Variants in BEGAIN observed in about 807,000 individuals in gnomAD.
BEGAIN encodes the protein brain-enriched guanylate kinase-associated protein.
BEGAIN carries 19 observed loss-of-function variants against 35.8 expected under a neutral mutation model. That is an observed-to-expected ratio of 0.53 (90% CI 0.37 to 0.78). The LOEUF (loss-of-function observed/expected upper bound fraction) is 0.78. BEGAIN is among the 30% of genes least tolerant of loss of function. The pLI, the probability that BEGAIN is intolerant of heterozygous loss-of-function variation, is 0.00. For synonymous variants in BEGAIN, 462 were observed against 388.6 expected (o/e 1.19, Z -2.22); for missense variants, 795 against 853.6 (o/e 0.93, Z 0.85).
rs1225156319 is a variant in BEGAIN at position 100,540,572 on chromosome 14, T to C, written c.416A>G (p.Tyr139Cys). 4 of 1,602,866 alleles carry C rather than the reference T, an allele frequency of 2.5e-6. No homozygotes were observed. Among genetic ancestry groups the C allele is most frequent in the East Asian group, 2.2e-5 (1 of 44,564 alleles). The change falls in exon 6 of 7, where the codon TAT (tyrosine) becomes TGT (cysteine). Residue 139 changes from tyrosine to cysteine, a missense_variant. Around this residue, in one of 3 missense-constraint regions of BEGAIN, gnomAD observed 73 missense variants for 143.2 expected, o/e 0.51. Coordinates refer to ENST00000554140, the MANE Select transcript of BEGAIN (RefSeq NM_001385089.1). ...IDKLSEDNEL[Y>C]RKDCNLAAQL... ...GGCCGCTAGATTGCAGTCCTTCCTA[T>C]AGAGCTCCTAAAAGACAAGAGAAGG...
chr14:100,583,887 C>T (rs184691961), intron 1 of BEGAIN, among the ~76,000 whole-genome samples: 30 of 152,012 alleles, frequency 2.0e-4, no homozygotes, highest in East Asian at 1.5e-3. Flanking sequence ...TTTATAGAGA[C>T]GGGGTTTCAC....
At chr14:100,583,451 T>C (rs1244834540) in intron 1 of BEGAIN, among the ~76,000 whole-genome samples, 6 of 152,120 alleles carry the variant, frequency 3.9e-5, no homozygotes, top group Non-Finnish European at 5.9e-5. Context: ...TCCATTCATC[T>C]ACCAATCTTG....
At chr14:100,559,871 G>C (rs1047070369) in intron 2 of BEGAIN, among the ~76,000 whole-genome samples, 1 of 152,200 alleles carries the variant, frequency 6.6e-6, no homozygotes, top group Non-Finnish European at 1.5e-5. Flanking sequence ...CTGCAGCTAC[G>C]GGGAGGGTTG....
Position 100,537,964 on chromosome 14 carries a change from GGC to G in BEGAIN, c.*3_*4del. ...CGAACCACGGCCAGGCCTGCACGCA[GGC>G]GCTCAGTTGAGCAAGGTTCCGTAGA... On this transcript the variant is annotated 3_prime_UTR_variant, in exon 7 of 7. Transcript: ENST00000554140. 1 of 1,603,590 alleles carries G rather than the reference GGC, an allele frequency of 6.2e-7. No individual in the cohort carries two copies. The highest frequency in any genetic ancestry group is 2.2e-5 in the East Asian group (1 of 44,506).
At chr14:100,571,064 T>C (rs1046746149) in intron 1 of BEGAIN, among the ~76,000 whole-genome samples, 1 of 151,636 alleles carries the variant, frequency 6.6e-6, no homozygotes, top group African/African-American at 2.4e-5. Context: ...GCACACTGGG[T>C]GCCCTCGGGG....
At chr14:100,546,351 GCCCCGC>G in intron 3 of BEGAIN, 144 bp downstream of exon 3, 1 of 125,416 alleles carries the variant, frequency 8.0e-6, no homozygotes, top group Middle Eastern at 3.0e-3. Context: ...CCCGGCCCTC[GCCCCGC>G]CCCGGCCCTC....
intron 2 of BEGAIN, among the ~76,000 whole-genome samples, chr14:100,551,588 T>A (rs546255571): frequency 5.9e-4 from 90 of 152,328 alleles, no homozygotes; most frequent in African/African-American, 2.0e-3. Flanking sequence ...TATACCTGGG[T>A]GGTGAAATGC....
At chr14:100,557,130 CG>C in intron 2 of BEGAIN, among the ~76,000 whole-genome samples, 1 of 150,182 alleles carries the variant, frequency 6.7e-6, no homozygotes, top group Non-Finnish European at 1.5e-5. Flanking sequence ...CGGGCCCTGC[CG>C]GCCTCTTCCA....
At chr14:100,570,677 G>T (rs1465024895) in intron 1 of BEGAIN, among the ~76,000 whole-genome samples, 1 of 152,216 alleles carries the variant, frequency 6.6e-6, no homozygotes, top group African/African-American at 2.4e-5. Flanking sequence ...CTTTATGGGT[G>T]GCTAGGGAGA....
At chr14:100,539,686 C>T (rs932904731) in intron 6 of BEGAIN, among the ~76,000 whole-genome samples, 1 of 151,558 alleles carries the variant, frequency 6.6e-6, no homozygotes, top group Non-Finnish European at 1.5e-5. Flanking sequence ...TTGTGCCCAG[C>T]GAGGGGTTGA....
In BEGAIN at chr14:100,566,963, C is replaced by T. The variant is rs1034672885; in HGVS notation, c.71+948G>A. ...GGTCAGCTGGCAGAGCCCAGGGCCC[C>T]TCTGCCCTAGACCTGGGCCCAGGCT... On this transcript the variant is annotated intron_variant, in intron 2 of 6. Transcript: ENST00000554140. Among the ~76,000 whole-genome samples, 31 of 152,302 alleles carry T rather than the reference C, an allele frequency of 2.0e-4. 1 individual carries two copies. In the South Asian group the frequency reaches 4.8e-3, roughly 23 times the overall value.
chr14:100,581,465 G>A (rs908101891), intron 1 of BEGAIN, among the ~76,000 whole-genome samples: 6 of 151,948 alleles, frequency 3.9e-5, no homozygotes, highest in African/African-American at 9.7e-5. Flanking sequence ...AGGGGCTTCC[G>A]GCTCCTGGCA....
At chr14:100,542,083 GC>G (rs1432410752) in intron 5 of BEGAIN, among the ~76,000 whole-genome samples, 1 of 152,156 alleles carries the variant, frequency 6.6e-6, no homozygotes, top group East Asian at 1.9e-4. Context: ...TAGGTAAGGG[GC>G]CTGGCCTTGT....
intron 2 of BEGAIN, among the ~76,000 whole-genome samples, chr14:100,556,399 G>A (rs2033728456): frequency 6.6e-6 from 1 of 152,220 alleles, no homozygotes; most frequent in African/African-American, 2.4e-5. Context: ...GTCCTGGGGA[G>A]CCCTCGGAGG....
chr14:100,570,267 C>A (rs1456912162), intron 1 of BEGAIN, among the ~76,000 whole-genome samples: 2 of 152,260 alleles, frequency 1.3e-5, no homozygotes, highest in African/African-American at 4.8e-5. Context: ...ATTCCCCCCA[C>A]CCCCAGAAGG....
intron 5 of BEGAIN, among the ~76,000 whole-genome samples, chr14:100,541,194 C>T (rs79065278): frequency 0.032 from 4,916 of 152,370 alleles, 249 homozygotes; most frequent in African/African-American, 0.11. Context: ...CAGTAGGACT[C>T]AAGGGGTGTG....
chr14:100,583,821 C>A (rs1215038393), intron 1 of BEGAIN, among the ~76,000 whole-genome samples: 2 of 151,278 alleles, frequency 1.3e-5, no homozygotes, highest in African/African-American at 4.9e-5. Context: ...CTCAGCCTCC[C>A]AAATGGCTGG....
Position 100,546,780 on chromosome 14 carries a change from GCACACACACACA to G in BEGAIN, c.72-130_72-119del, listed in dbSNP as rs879183769. On this transcript the variant is annotated intron_variant, in intron 2 of 6. Transcript: ENST00000554140. The stretch of plus-strand genomic sequence containing the variant: ...CGAGTACCGGCGCGCGCGCGCGCGC[GCACACACACACA>G]CACACACACACACACACACACTCAC... 2,254 of 343,796 alleles carry G rather than the reference GCACACACACACA, an allele frequency of 6.6e-3. 59 individuals carry two copies. The East Asian group carries it at 0.13, about 20-fold the overall frequency. The allele number at this position is 343,796 out of a possible 1,614,324, so 21.3% of individuals were successfully genotyped here. A position where few individuals can be genotyped will look rare whatever the true frequency, so the allele number is the denominator to read the frequency against.
chr14:100,554,219 C>A (rs535495506), intron 2 of BEGAIN, among the ~76,000 whole-genome samples: 1 of 152,068 alleles, frequency 6.6e-6, no homozygotes, highest in African/African-American at 2.4e-5. Context: ...CTGGAGGCTG[C>A]GGGGGAGGCC....
Sources: gnomAD v4.1 joint callset for allele counts (sites outside exome capture counted in the v4.1 genomes callset) on GRCh38, gnomAD v4.1.1 for gene constraint, gnomAD v4.1.1 regional missense constraint, MANE v1.5 for transcripts, NCBI Gene and HGNC (gene_info 2026-07-23, HGNC 2026-07-21) for gene names.